DGKZ: variants seen among roughly 807,000 people sequenced by gnomAD.
DGKZ encodes the protein DAG kinase zeta.
In DGKZ, 45 loss-of-function variants were observed where a neutral mutation model predicts 142.5. The observed-to-expected ratio is 0.32, with a 90% CI of 0.25 to 0.40. The LOEUF is 0.40. DGKZ is among the 10% of genes least tolerant of loss of function. The pLI, the probability that DGKZ is intolerant of heterozygous loss-of-function variation, is 1.00. For synonymous variants in DGKZ, 442 were observed against 527.0 expected, an observed-to-expected ratio of 0.84 and a Z score of 2.21; for missense variants, 755 against 1,306.5, an observed-to-expected ratio of 0.58 and a Z score of 6.51.
chr11:46,376,721 G>A, intron 24 of DGKZ, 157 bp downstream of exon 24: 1 of 1,004,298 alleles, frequency 1.0e-6, no homozygotes, highest in Non-Finnish European at 1.5e-6. Flanking sequence ...ACAGCGTGCG[G>A]CCCTGCCCTC....
At chr11:46,368,191 C>T (rs1196826425) in intron 4 of DGKZ, 112 bp downstream of exon 4, 3 of 1,153,634 alleles carry the variant, frequency 2.6e-6, no homozygotes, top group South Asian at 1.3e-5. Flanking sequence ...TGACCCAGCA[C>T]TCGGGGGTGA....
In DGKZ at chr11:46,379,891, GAGAA is replaced by G. The variant is rs1945031541; in HGVS notation, c.2750_2753del (p.Glu917AlafsTer7). 1 of 1,609,946 alleles carries G rather than the reference GAGAA, an allele frequency of 6.2e-7. No individual in the cohort carries two copies. Among genetic ancestry groups the G allele is most frequent in the Non-Finnish European group, 8.5e-7 (1 of 1,178,978 alleles). ...GGACACCGAGCTGGCCGCCTACCTGGAGAACCGGCAGCACTACCAGATGATCCAG... is the reference window on the plus strand; with the variant it reads ...GGACACCGAGCTGGCCGCCTACCTGGCCGGCAGCACTACCAGATGATCCAG... On this transcript the variant is annotated frameshift_variant, in exon 31 of 31. Transcript: ENST00000527911. LOFTEE classifies it high-confidence loss of function.
chr11:46,355,473 C>T (rs1026452660), intron 1 of DGKZ, among the ~76,000 whole-genome samples: 1 of 152,214 alleles, frequency 6.6e-6, no homozygotes, highest in Non-Finnish European at 1.5e-5. Flanking sequence ...CTTTCTCCTT[C>T]AAGCCTGCAA....
At chr11:46,363,369 C>T (rs1565036155) in intron 1 of DGKZ, among the ~76,000 whole-genome samples, 1 of 152,246 alleles carries the variant, frequency 6.6e-6, no homozygotes, top group Admixed American at 6.5e-5. Context: ...CTGACAGCCT[C>T]CCCAGACACA....
intron 1 of DGKZ, among the ~76,000 whole-genome samples, chr11:46,340,314 A>G (rs1940214472): frequency 6.6e-6 from 1 of 152,182 alleles, no homozygotes; most frequent in Non-Finnish European, 1.5e-5. Context: ...ATGACCCTAC[A>G]GATGTGAGTG....
At position 46,371,442 on chromosome 11, in the gene DGKZ, A is replaced by C. The variant is rs775292473; in HGVS notation, c.643-45A>C. 3.1e-6 allele frequency: 5 copies of C among 1,608,160 alleles called. No individual in the cohort carries two copies. The Admixed American group carries it at 5.0e-5, about 16-fold the overall frequency. ...CTGCACTGCTGGGTTTGGGTCCCCG[A>C]GTCTGAACACGGTCCCGCTGAGCCC... On this transcript the variant is annotated intron_variant, in intron 7 of 30. Transcript: ENST00000527911.
At position 46,374,846 on chromosome 11, in the gene DGKZ, A is replaced by T; in HGVS notation, c.1598+7A>T. On this transcript the variant is annotated splice_region_variant and intron_variant, in intron 18 of 30. Coordinates refer to ENST00000527911, the Ensembl canonical transcript of DGKZ. ...TTTTCCTGAACATCCCCAGGTGAGG[A>T]GGGGGCTACCGGAGCTGGGGGGAGC... The T allele has an allele frequency of 1.3e-6, 2 of 1,587,734 alleles. No homozygotes were observed. Among genetic ancestry groups the T allele is most frequent in the Non-Finnish European group, 1.7e-6 (2 of 1,163,048 alleles).
At chr11:46,350,725 C>T (rs899207039) in intron 1 of DGKZ, among the ~76,000 whole-genome samples, 1 of 152,152 alleles carries the variant, frequency 6.6e-6, no homozygotes. Context: ...CATCCTGGCC[C>T]CTCTGGGTAG....
chr11:46,366,547 C>T (rs955005824), intron 1 of DGKZ: 8 of 1,600,638 alleles, frequency 5.0e-6, no homozygotes, highest in Non-Finnish European at 6.8e-6. Context: ...CACAGCCTAC[C>T]ACCGTGGGGG....
exon 30 of DGKZ, chr11:46,379,469 C>A (rs1291793204): frequency 6.2e-7 from 1 of 1,608,408 alleles, no homozygotes; most frequent in Non-Finnish European, 8.5e-7. Flanking sequence ...GCTCCCCCAG[C>A]GGGGAGACCT....
chr11:46,364,378 T>C, intron 1 of DGKZ: 1 of 1,289,154 alleles, frequency 7.8e-7, no homozygotes, highest in Non-Finnish European at 1.0e-6. Context: ...GCTCAGTAAA[T>C]GTCAGCCGTG....
At chr11:46,337,452 C>T (rs899599730) in intron 1 of DGKZ, among the ~76,000 whole-genome samples, 3 of 151,894 alleles carry the variant, frequency 2.0e-5, no homozygotes, top group Admixed American at 1.3e-4. Context: ...CCCACCACCA[C>T]GCCGGGCTAA....
At chr11:46,365,687 G>A in intron 1 of DGKZ, 1 of 985,420 alleles carries the variant, frequency 1.0e-6, no homozygotes, top group South Asian at 4.7e-5. Flanking sequence ...TTTGCAGAGA[G>A]CCTCATTTTG....
intron 1 of DGKZ, among the ~76,000 whole-genome samples, chr11:46,360,007 T>A (rs1942463575): frequency 6.6e-6 from 1 of 152,220 alleles, no homozygotes; most frequent in Non-Finnish European, 1.5e-5. Flanking sequence ...AATCTATAAT[T>A]ACCTGGAAAG....
upstream of DGKZ, among the ~76,000 whole-genome samples, chr11:46,343,765 T>C (rs1168638327): frequency 2.0e-5 from 3 of 152,190 alleles, no homozygotes; most frequent in African/African-American, 7.2e-5. Flanking sequence ...TCCATGCCTT[T>C]GCTCTGACTC....
chr11:46,352,202 C>T (rs138116085), intron 1 of DGKZ, among the ~76,000 whole-genome samples: 2,447 of 152,338 alleles, frequency 0.016, 27 homozygotes, highest in Non-Finnish European at 0.025. Context: ...CTCGGAGAAG[C>T]AGGGATCCGG....
chr11:46,373,274 GTTTT>G (rs1013613075), intron 14 of DGKZ, among the ~76,000 whole-genome samples, 173 bp downstream of exon 14: 1 of 120,916 alleles, frequency 8.3e-6, no homozygotes, highest in Non-Finnish European at 1.8e-5. Flanking sequence ...TTTTTTCTGT[GTTTT>G]TTTTTTGTTT....
At chr11:46,345,266 C>T, upstream of DGKZ, 1 of 1,359,506 alleles carries the variant, frequency 7.4e-7, no homozygotes, top group Non-Finnish European at 9.4e-7. This position sits in a 1 kb window ranked among gnomAD's most constrained non-coding sequence, Gnocchi z 4.1. Context: ...CTCTTCACGG[C>T]AGCTGGCCCC....
chr11:46,360,834 A>C (rs532214243), intron 1 of DGKZ, among the ~76,000 whole-genome samples: 1 of 152,044 alleles, frequency 6.6e-6, no homozygotes, highest in South Asian at 2.1e-4. Context: ...AGGCAGTTGG[A>C]CAGCTGCCAC....
Sources: allele counts gnomAD v4.1 joint callset (sites outside exome capture counted in the v4.1 genomes callset), GRCh38; gene constraint gnomAD v4.1.1; non-coding constraint Gnocchi (gnomAD v3.1); transcripts MANE v1.5; gene names NCBI Gene and HGNC (gene_info 2026-07-23, HGNC 2026-07-21).